The following FES variants were observed in gnomAD, a reference collection of about 807,000 sequenced individuals.
FES encodes tyrosine-protein kinase Fes/Fps.
FES carries 83 observed loss-of-function variants against 109.6 expected under a neutral mutation model. The observed-to-expected ratio is 0.76, with a 90% CI of 0.63 to 0.91. FES has a LOEUF of 0.91. Among genes scored for constraint, FES ranks in the 40% least tolerant of loss-of-function variants. The pLI, the probability that FES is intolerant of heterozygous loss-of-function variation, is 0.00. For synonymous variants in FES, 458 were observed against 442.1 expected, an observed-to-expected ratio of 1.04 and a Z score of -0.45; for missense variants, 943 against 1,070.9, an observed-to-expected ratio of 0.88 and a Z score of 1.67.
Position 90,885,121 on chromosome 15 carries a change from C to T in FES, c.76C>T (p.Leu26=). 2 of 1,614,008 alleles carry T rather than the reference C, an allele frequency of 1.2e-6. No homozygotes were observed. The highest frequency in any genetic ancestry group is 1.7e-6 in the Non-Finnish European group (2 of 1,180,028). Residue 26 remains leucine (L), a synonymous_variant, in exon 2 of 19, where the codon CTA becomes TTA. Transcript: ENST00000328850. Reference sequence around the variant, plus strand: ...GCAAATGCAGGAGGCCGAGCTTCGTCTACTGGAGGGCATGAGAAAGTGGAT... The same window carrying T: ...GCAAATGCAGGAGGCCGAGCTTCGTTTACTGGAGGGCATGAGAAAGTGGAT... The part of the protein sequence containing the change: ...LQQMQEAELR[L]LEGMRKWMAQ...
rs1304018779 is a variant in FES, at chr15:90,889,637, G to A, written c.926+1G>A. On this transcript the variant is annotated splice_donor_variant, in intron 7 of 18. Coordinates refer to ENST00000328850, the MANE Select transcript of FES (RefSeq NM_002005.4). LOFTEE classifies it high-confidence loss of function. The surrounding 1 kb of genome is among the most constrained non-coding windows in gnomAD (Gnocchi z 6.1). Reference sequence around the variant, plus strand: ...TGACTGTGGAGAGCGTGCAGCACACGTGGGTGGTGGCTTTGCACCTGGGCT... The same window carrying A: ...TGACTGTGGAGAGCGTGCAGCACACATGGGTGGTGGCTTTGCACCTGGGCT... The A allele has an allele frequency of 6.2e-6, 10 of 1,612,904 alleles. No individual in the cohort carries two copies. The highest frequency in any genetic ancestry group is 4.4e-5 in the South Asian group (4 of 91,016).
At chr15:90,884,949 T>G in intron 1 of FES, 88 bp from the exon 2 acceptor site, 1 of 1,121,426 alleles carries the variant, frequency 8.9e-7, no homozygotes, top group African/African-American at 1.5e-5. Flanking sequence ...CAGTCCATCC[T>G]GACCCTACAG....
chr15:90,887,255 C>T lies in FES; in HGVS notation c.553C>T (p.Arg185Cys), dbSNP rs138511924. The change falls in exon 5 of 19, where the codon CGC becomes TGC. Residue 185 changes from arginine to cysteine, a missense_variant. Physicochemically the swap from Arg to Cys is radical, Grantham distance 180. Transcript: ENST00000328850. ...SLWKLFAHHN[R>C]YVLGVRAAQL... ...GTGGAAGCTCTTTGCTCACCACAAC[C>T]GCTATGTGCTGGGCGTGCGGGCTGC... 37 of 1,613,322 alleles carry T rather than the reference C, an allele frequency of 2.3e-5. No individual in the cohort carries two copies. The highest frequency in any genetic ancestry group is 3.3e-5 in the Admixed American group (2 of 60,014).
At chr15:90,891,354 C>T (rs1460104957) in intron 11 of FES, 163 bp downstream of exon 11, 1 of 1,053,410 alleles carries the variant, frequency 9.5e-7, no homozygotes, top group Non-Finnish European at 1.4e-6. Flanking sequence ...GTCCCTGCAA[C>T]AAAATAGAGG....
At chr15:90,892,392 T>C in intron 13 of FES, 1 of 585,946 alleles carries the variant, frequency 1.7e-6, no homozygotes, top group Non-Finnish European at 3.0e-6. Flanking sequence ...ACCCTGTTAC[T>C]GTAAGCCATA....
intron 13 of FES, chr15:90,892,492 T>C (rs1282572966): frequency 5.2e-6 from 3 of 582,384 alleles, no homozygotes; most frequent in African/African-American, 3.7e-5. Flanking sequence ...TCCATGTCAC[T>C]TCTCTCAGGA....
chr15:90,893,319 G>T lies in FES; in HGVS notation c.1950G>T (p.Thr650=). The T allele has an allele frequency of 6.4e-7, 1 of 1,573,802 alleles. No homozygotes were observed. The highest frequency in any genetic ancestry group is 8.6e-7 in the Non-Finnish European group (1 of 1,159,792). Residue 650 remains threonine (T), a synonymous_variant, in exon 16 of 19, where the codon ACG becomes ACT. Coordinates refer to ENST00000328850, the MANE Select transcript of FES (RefSeq NM_002005.4). ...QGGDFLTFLR[T]EGARLRVKTL... The stretch of plus-strand genomic sequence containing the variant: ...GCGACTTCCTGACCTTCCTCCGCAC[G>T]GAGGGGGCCCGCCTGCGGGTGAAGA...
Position 90,887,351 on chromosome 15 carries a change from GA to G in FES, c.650del (p.Glu217GlyfsTer7), listed in dbSNP as rs1202082146. The G allele has an allele frequency of 3.7e-6, 6 of 1,611,592 alleles. No homozygotes were observed. Among genetic ancestry groups the G allele is most frequent in the Non-Finnish European group, 5.1e-6 (6 of 1,179,248 alleles). On this transcript the variant is annotated frameshift_variant, in exon 5 of 19. Coordinates refer to ENST00000328850, the MANE Select transcript of FES (RefSeq NM_002005.4). LOFTEE classifies it high-confidence loss of function. ...GCTGCGGTCACTGCAGGACCTGCAC[GA>G]GGAGATGGCTTGCATCCTGTAAGCC... is the stretch of plus-strand genomic sequence containing the variant. ...GLLRSLQDLH[E>X]EMACILKEIL...
At chr15:90,890,036 C>T in intron 8 of FES, 56 bp from the exon 9 acceptor site, 2 of 1,580,420 alleles carry the variant, frequency 1.3e-6, no homozygotes. Context: ...TGCTGGCTAC[C>T]CGCCGCAGAC....
In FES at chr15:90,889,912, G is replaced by A. The variant is rs190644495; in HGVS notation, c.999G>A (p.Gln333=). 1 of 1,613,548 alleles carries A rather than the reference G, an allele frequency of 6.2e-7. No individual in the cohort carries two copies. Among genetic ancestry groups the A allele is most frequent in the Admixed American group, 1.7e-5 (1 of 60,010 alleles). The change falls in exon 8 of 19, where the codon CAG becomes CAA. Residue 333 remains glutamine, a synonymous_variant. Transcript: ENST00000328850. The surrounding 1 kb of genome is among the most constrained non-coding windows in gnomAD (Gnocchi z 6.1). ...MVFRRQEMVT[Q]LQQELRNEEE... is the part of the protein sequence containing the mutation. Reference sequence around the variant, plus strand: ...TCAGGCGGCAGGAGATGGTTACGCAGCTGCAACAGGAGCTCCGGAATGAAG... The same window carrying A: ...TCAGGCGGCAGGAGATGGTTACGCAACTGCAACAGGAGCTCCGGAATGAAG...
chr15:90,891,533 C>T, intron 11 of FES, 21 bp from the exon 12 acceptor site: 3 of 1,613,160 alleles, frequency 1.9e-6, no homozygotes, highest in Non-Finnish European at 2.5e-6. Flanking sequence ...GGCTGCTGAC[C>T]CCGGGTCCCC....
At chr15:90,895,298 T>C in intron 18 of FES, 118 bp from the exon 19 acceptor site, 2 of 862,000 alleles carry the variant, frequency 2.3e-6, no homozygotes, top group East Asian at 3.0e-5. Context: ...TGGAGAACAG[T>C]GCATCCTTCA....
At position 90,885,201 on chromosome 15, in the gene FES, C is replaced by T; in HGVS notation, c.156C>T (p.Ser52=). ...ATGCAGGACTGCTTCACCACATGTC[C>T]CTGCAGGACAGTGGGGGCCAGAGCC... ...REYAGLLHHM[S]LQDSGGQSRA... Residue 52 remains serine, a synonymous_variant, in exon 2 of 19, where the codon TCC becomes TCT. Coordinates refer to ENST00000328850, the MANE Select transcript of FES (RefSeq NM_002005.4). 6.2e-7 allele frequency: 1 copy of T among 1,613,760 alleles called. No homozygotes were observed. Among genetic ancestry groups the T allele is most frequent in the Non-Finnish European group, 8.5e-7 (1 of 1,180,028 alleles).
chr15:90,890,443 C>T lies in FES; in HGVS notation c.1279C>T (p.Leu427Phe), dbSNP rs1298271107. 2.5e-6 allele frequency: 4 copies of T among 1,613,154 alleles called. No individual in the cohort carries two copies. The highest frequency in any genetic ancestry group is 3.3e-5 in the Admixed American group (2 of 60,004). Residue 427 changes from leucine (L) to phenylalanine (F), a missense_variant, in exon 10 of 19, where the codon CTT becomes TTT. Leu to Phe is a conservative substitution (Grantham distance 22). Coordinates refer to ENST00000328850, the MANE Select transcript of FES (RefSeq NM_002005.4). ...EGGRTPTLEI[L>F]KSHISGIFRP... ...GGGAAGGACACCCACGCTGGAGATC[C>T]TTAAGAGCCACATCTCAGGAATCTT...
chr15:90,891,313 G>A, intron 11 of FES, 122 bp downstream of exon 11: 1 of 1,280,414 alleles, frequency 7.8e-7, no homozygotes, highest in Non-Finnish European at 1.1e-6. Flanking sequence ...CCCTAGCAGG[G>A]CTGGCTGGAA....
At position 90,890,143 on chromosome 15, in the gene FES, G is replaced by T; in HGVS notation, c.1101G>T (p.Leu367=). The T allele has an allele frequency of 2.5e-6, 4 of 1,590,012 alleles. No homozygotes were observed. The highest frequency in any genetic ancestry group is 3.4e-6 in the Non-Finnish European group (4 of 1,173,372). Reference sequence around the variant, plus strand: ...TGCTGCAAGAAGCACTGCAGGGGCTGCAGGTAGCGCTGTGCAGCCAGGCCA... The same window carrying T: ...TGCTGCAAGAAGCACTGCAGGGGCTTCAGGTAGCGCTGTGCAGCCAGGCCA... ...RQVLQEALQG[L]QVALCSQAKL... Residue 367 remains leucine, a synonymous_variant, in exon 9 of 19, where the codon CTG becomes CTT. Transcript: ENST00000328850.
rs2033501096 is a variant in FES at position 90,894,198 on chromosome 15, C to T, written c.2326+140C>T. ...TGGCCAGTTGCTCACGCCTGTCATC[C>T]CAGCACTTTGGGAGGCTGAGCTGGG... On this transcript the variant is annotated intron_variant, in intron 18 of 18. Coordinates refer to ENST00000328850, the MANE Select transcript of FES (RefSeq NM_002005.4). 29 of 1,020,560 alleles carry T rather than the reference C, an allele frequency of 2.8e-5. No individual in the cohort carries two copies. The South Asian group carries it at 4.0e-4, about 14-fold the overall frequency. 63.2% of individuals were successfully genotyped at this position (1,020,560 alleles called of 1,614,324 possible). A position where few individuals can be genotyped will look rare whatever the true frequency, so the allele number is the denominator to read the frequency against.
rs775187033 is a variant in FES at position 90,891,027 on chromosome 15, C to T, written c.1366C>T (p.His456Tyr). Residue 456 changes from histidine (H) to tyrosine (Y), a missense_variant, in exon 11 of 19, where the codon CAT becomes TAT. Physicochemically the swap from His to Tyr is moderately conservative, Grantham distance 83. Coordinates refer to ENST00000328850, the MANE Select transcript of FES (RefSeq NM_002005.4). Reference protein sequence around the residue: ...QLIPEVQKPLHEQLWYHGAIP... With the variant: ...QLIPEVQKPLYEQLWYHGAIP... ...CATTCCGGAGGTGCAGAAGCCCCTG[C>T]ATGAGCAGCTGTGGTACCACGGGGC... 2 of 1,598,428 alleles carry T rather than the reference C, an allele frequency of 1.3e-6. No individual in the cohort carries two copies. The highest frequency in any genetic ancestry group is 8.5e-7 in the Non-Finnish European group (1 of 1,172,390).
intron 3 of FES, 77 bp from the exon 4 acceptor site, chr15:90,886,884 C>G: frequency 7.1e-7 from 1 of 1,416,806 alleles, no homozygotes; most frequent in Non-Finnish European, 9.9e-7. Flanking sequence ...CAGGACCTTT[C>G]CAGGGCTTCA....
Sources: allele counts gnomAD v4.1 joint callset, GRCh38; gene constraint gnomAD v4.1.1; non-coding constraint Gnocchi (gnomAD v3.1); transcripts MANE v1.5; gene names NCBI Gene and HGNC (gene_info 2026-07-23, HGNC 2026-07-21).